The following RUNX1T1 variants were observed in gnomAD, a reference collection of about 807,000 sequenced individuals.
RUNX1T1 encodes the protein RUNX1 partner transcriptional co-repressor 1, also known as protein CBFA2T1.
RUNX1T1 carries 4 observed loss-of-function variants against 62.8 expected under a neutral mutation model. The observed-to-expected ratio is 0.06, with a 90% CI of 0.03 to 0.15. RUNX1T1 has a LOEUF of 0.15. RUNX1T1 is among the 10% of genes least tolerant of loss of function. RUNX1T1 has a pLI of 1.00. For missense variants in RUNX1T1, 508 were observed against 754.3 expected (o/e 0.67, Z 3.82); for synonymous variants, 291 against 286.0 (o/e 1.02, Z -0.18).
chr8:92,014,798 A>G, exon 3 of RUNX1T1: 1 of 1,612,176 alleles, frequency 6.2e-7, no homozygotes, highest in Non-Finnish European at 8.5e-7. Flanking sequence ...AGGCTGTAGG[A>G]GAATGGCTCG....
intron 1 of RUNX1T1, among the ~76,000 whole-genome samples, chr8:92,029,431 T>G (rs773520351): frequency 6.6e-6 from 1 of 152,150 alleles, no homozygotes; most frequent in Non-Finnish European, 1.5e-5. Context: ...AGGAGATATT[T>G]CAGAAGTATT....
intron 5 of RUNX1T1, among the ~76,000 whole-genome samples, chr8:92,003,541 C>T (rs1045395390): frequency 9.2e-5 from 14 of 152,102 alleles, no homozygotes; most frequent in Non-Finnish European, 2.1e-4. Context: ...GTTACACTCT[C>T]CTCCACCCCA....
chr8:92,084,606 A>G (rs1465973977), intron 1 of RUNX1T1, among the ~76,000 whole-genome samples: 1 of 152,188 alleles, frequency 6.6e-6, no homozygotes, highest in Non-Finnish European at 1.5e-5. Flanking sequence ...CCACTTTTGA[A>G]GGTCTTACAA....
chr8:91,968,422 GA>G (rs1489792865), intron 10 of RUNX1T1, among the ~76,000 whole-genome samples: 1 of 152,086 alleles, frequency 6.6e-6, no homozygotes, highest in Non-Finnish European at 1.5e-5. Flanking sequence ...TAAGAAATGA[GA>G]ACATTCATTT....
chr8:91,963,141 T>C (rs1810868663), intron 10 of RUNX1T1, among the ~76,000 whole-genome samples: 1 of 152,250 alleles, frequency 6.6e-6, no homozygotes, highest in African/African-American at 2.4e-5. Context: ...ACAGATGTTT[T>C]GGATCGTGAA....
chr8:91,985,612 C>CG (rs928966839), intron 8 of RUNX1T1, among the ~76,000 whole-genome samples: 2 of 151,762 alleles, frequency 1.3e-5, no homozygotes, highest in Non-Finnish European at 2.9e-5. Flanking sequence ...TTCCTGGAGG[C>CG]GGGGGGTTGA....
At chr8:92,026,432 T>C (rs1304859695) in intron 1 of RUNX1T1, among the ~76,000 whole-genome samples, 1 of 152,240 alleles carries the variant, frequency 6.6e-6, no homozygotes, top group African/African-American at 2.4e-5. Context: ...AAGTTCATTA[T>C]CCTCTAAAAC....
chr8:92,059,838 T>C (rs1831619300), intron 1 of RUNX1T1, among the ~76,000 whole-genome samples: 1 of 152,074 alleles, frequency 6.6e-6, no homozygotes. Flanking sequence ...TTTTGGAAAC[T>C]TGAACTTAAA....
At chr8:91,959,746 A>T (rs1291410921) in exon 11 of RUNX1T1, 2 of 229,810 alleles carry the variant, frequency 8.7e-6, no homozygotes, top group East Asian at 1.2e-4. Flanking sequence ...TCTTCTTGTT[A>T]AAATGTCTAC....
intron 8 of RUNX1T1, among the ~76,000 whole-genome samples, chr8:91,985,543 C>T (rs1286842934): frequency 3.3e-5 from 5 of 152,102 alleles, no homozygotes; most frequent in African/African-American, 7.2e-5. Context: ...AAGGGTGCTA[C>T]ATCTTTATCA....
At chr8:92,043,149 C>A (rs554733732) in intron 1 of RUNX1T1, among the ~76,000 whole-genome samples, 59 of 152,294 alleles carry the variant, frequency 3.9e-4, no homozygotes, top group Non-Finnish European at 6.6e-4. Flanking sequence ...TCAATCTATA[C>A]ATATTTCTCA....
intron 8 of RUNX1T1, among the ~76,000 whole-genome samples, chr8:91,977,634 A>C (rs1189541354): frequency 3.3e-5 from 5 of 152,242 alleles, no homozygotes; most frequent in Admixed American, 3.3e-4. Flanking sequence ...GACAACTTTT[A>C]AGGAGAAAAG....
At chr8:92,067,397 A>G (rs1833028790), upstream of RUNX1T1, among the ~76,000 whole-genome samples, 1 of 152,196 alleles carries the variant, frequency 6.6e-6, no homozygotes, top group Non-Finnish European at 1.5e-5. Flanking sequence ...GCCTTCACCT[A>G]TGACTTATGT....
intron 1 of RUNX1T1, among the ~76,000 whole-genome samples, chr8:92,081,506 G>T (rs1167470186): frequency 7.8e-6 from 1 of 128,336 alleles, no homozygotes; most frequent in Admixed American, 7.8e-5. Context: ...TTGGTGTGAT[G>T]AAAAAAAAAA....
At chr8:91,996,990 G>A (rs1351701934) in intron 5 of RUNX1T1, among the ~76,000 whole-genome samples, 1 of 151,554 alleles carries the variant, frequency 6.6e-6, no homozygotes, top group Non-Finnish European at 1.5e-5. Context: ...AGCCAGGCAT[G>A]GTGGAGCATG....
chr8:92,064,753 G>A (rs1832613226), upstream of RUNX1T1, among the ~76,000 whole-genome samples: 1 of 152,126 alleles, frequency 6.6e-6, no homozygotes, highest in Non-Finnish European at 1.5e-5. Flanking sequence ...ACACTTTTGA[G>A]AAAACTGGAT....
At chr8:92,042,625 C>A (rs1426671770) in intron 1 of RUNX1T1, among the ~76,000 whole-genome samples, 2 of 152,224 alleles carry the variant, frequency 1.3e-5, no homozygotes, top group African/African-American at 4.8e-5. Context: ...CCCACTTGAT[C>A]TGCTTTCCCT....
intron 1 of RUNX1T1, 116 bp from the exon 2 acceptor site, chr8:92,076,253 A>G (rs937376836): frequency 5.4e-5 from 39 of 728,326 alleles, no homozygotes; most frequent in Non-Finnish European, 6.3e-5. Flanking sequence ...GTTTAAAAAA[A>G]AAACAGATAC....
At chr8:92,026,815 CA>C (rs957682366) in intron 1 of RUNX1T1, among the ~76,000 whole-genome samples, 7 of 148,510 alleles carry the variant, frequency 4.7e-5, no homozygotes, top group African/African-American at 1.7e-4. Context: ...GAGCGAGACC[CA>C]GTCTCAAAAA....
Sources: allele counts gnomAD v4.1 joint callset (sites outside exome capture counted in the v4.1 genomes callset), GRCh38; gene constraint gnomAD v4.1.1; transcripts MANE v1.5; gene names NCBI Gene and HGNC (gene_info 2026-07-23, HGNC 2026-07-21).